Variants in PRR5L observed in about 807,000 individuals in gnomAD.
The protein encoded by PRR5L is proline-rich protein 5-like.
A neutral mutation model predicts 36.4 loss-of-function variants in PRR5L; 21 were observed. The observed-to-expected ratio is 0.58, with a 90% confidence interval of 0.41 to 0.83. The LOEUF is 0.83. PRR5L is among the 40% of genes least tolerant of loss of function. The probability of loss-of-function intolerance (pLI) is 0.00; values close to 1 mark genes in which losing one functional copy is unlikely to be tolerated. For missense variants in PRR5L, 381 were observed against 473.3 expected (o/e 0.80, Z 1.81); for synonymous variants, 188 against 197.0 (o/e 0.95, Z 0.38).
In PRR5L at chr11:36,305,003, C is replaced by T. The variant is rs1856415693; in HGVS notation, c.-126+8565C>T. Among the ~76,000 whole-genome samples, 3 of 152,116 alleles carry T rather than the reference C, an allele frequency of 2.0e-5. No individual in the cohort carries two copies. The South Asian group carries it at 6.2e-4, about 31-fold the overall frequency. ...AGGTTAACACAGAGTTACAATTTAA[C>T]CCAGCAATTCCACTCATAGGTATAT... On this transcript the variant is annotated intron_variant, in intron 1 of 8. Transcript: ENST00000530639.
At chr11:36,316,856 C>T (rs1047703012) in intron 1 of PRR5L, among the ~76,000 whole-genome samples, 4 of 152,192 alleles carry the variant, frequency 2.6e-5, no homozygotes, top group African/African-American at 9.7e-5. Context: ...GAAAGGGTTA[C>T]TATCAATTTT....
intron 1 of PRR5L, among the ~76,000 whole-genome samples, chr11:36,331,373 A>G (rs1472450486): frequency 2.0e-5 from 3 of 152,210 alleles, no homozygotes; most frequent in Non-Finnish European, 4.4e-5. Flanking sequence ...TTGCATTTGG[A>G]AAGTTGTCAA....
intron 1 of PRR5L, among the ~76,000 whole-genome samples, chr11:36,341,933 G>A (rs113270253): frequency 3.9e-4 from 60 of 152,304 alleles, no homozygotes; most frequent in African/African-American, 1.3e-3. Flanking sequence ...AACTGGAAGC[G>A]GAAAGAAATG....
intron 1 of PRR5L, among the ~76,000 whole-genome samples, chr11:36,359,102 A>G (rs926457957): frequency 9.2e-5 from 14 of 152,170 alleles, no homozygotes; most frequent in Non-Finnish European, 1.9e-4. Flanking sequence ...CAGTGCTGCC[A>G]TTAAATAGCT....
chr11:36,434,533 G>A (rs1225663598), intron 5 of PRR5L, among the ~76,000 whole-genome samples: 1 of 152,074 alleles, frequency 6.6e-6, no homozygotes, highest in Admixed American at 6.6e-5. Flanking sequence ...CTGTTTTGTG[G>A]GCAGAAGATG....
At chr11:36,421,756 G>A (rs1858270345) in intron 4 of PRR5L, among the ~76,000 whole-genome samples, 1 of 148,396 alleles carries the variant, frequency 6.7e-6, no homozygotes, top group Non-Finnish European at 1.5e-5. Flanking sequence ...AGGGCTTGTG[G>A]TTAGAAACTG....
At chr11:36,409,598 G>A (rs1355740424) in intron 3 of PRR5L, among the ~76,000 whole-genome samples, 2 of 152,188 alleles carry the variant, frequency 1.3e-5, no homozygotes, top group South Asian at 2.1e-4. Context: ...CACAGTAGGG[G>A]GGAAGAGCTG....
intron 4 of PRR5L, among the ~76,000 whole-genome samples, chr11:36,420,874 C>T (rs1246876959): frequency 6.6e-6 from 1 of 151,704 alleles, no homozygotes; most frequent in Non-Finnish European, 1.5e-5. Flanking sequence ...CACACACACA[C>T]ACACGGACAG....
Position 36,344,589 on chromosome 11 carries a change from T to C in PRR5L, c.-126+48151T>C, listed in dbSNP as rs568210878. 6.6e-6 allele frequency among the ~76,000 whole-genome samples: 1 copy of C among 152,332 alleles called. No homozygotes were observed. The highest frequency in any genetic ancestry group is 1.9e-4 in the East Asian group (1 of 5,184). On this transcript the variant is annotated intron_variant, in intron 1 of 8. Transcript: ENST00000530639. The surrounding 1 kb of genome is among the most constrained non-coding windows in gnomAD (Gnocchi z 4.1). Reference sequence around the variant, plus strand: ...TTTTTGTTTATATTTCTTAGTATTTTATCAGGGCAGATTTCTGGAAAGGGT... The same window carrying C: ...TTTTTGTTTATATTTCTTAGTATTTCATCAGGGCAGATTTCTGGAAAGGGT...
intron 6 of PRR5L, among the ~76,000 whole-genome samples, chr11:36,442,359 C>T (rs1377430098): frequency 2.0e-5 from 2 of 102,480 alleles, no homozygotes; most frequent in African/African-American, 7.1e-5. Flanking sequence ...TTTTTTTTTT[C>T]GAGACAGAGT....
At chr11:36,335,833 T>A (rs1034568833) in intron 1 of PRR5L, among the ~76,000 whole-genome samples, 1 of 152,254 alleles carries the variant, frequency 6.6e-6, no homozygotes, top group Non-Finnish European at 1.5e-5. Context: ...AAATATTTTC[T>A]TATTCAAAGT....
chr11:36,311,305 C>A (rs1163951593), intron 1 of PRR5L, among the ~76,000 whole-genome samples: 4 of 152,108 alleles, frequency 2.6e-5, no homozygotes, highest in African/African-American at 9.7e-5. Context: ...TATCTAGCAC[C>A]AACAGGACAT....
intron 5 of PRR5L, among the ~76,000 whole-genome samples, chr11:36,435,764 C>T (rs1447298915): frequency 6.6e-6 from 1 of 152,150 alleles, no homozygotes; most frequent in Admixed American, 6.5e-5. Context: ...AAGTCCTGTT[C>T]TACACTGTCC....
intron 1 of PRR5L, among the ~76,000 whole-genome samples, chr11:36,315,497 A>G (rs1295274719): frequency 1.3e-5 from 2 of 152,230 alleles, no homozygotes; most frequent in African/African-American, 4.8e-5. Context: ...TACACAGTCC[A>G]TAAACTTACT....
chr11:36,436,080 T>G (rs1469096531), intron 5 of PRR5L, among the ~76,000 whole-genome samples: 2 of 152,198 alleles, frequency 1.3e-5, no homozygotes, highest in Non-Finnish European at 2.9e-5. Context: ...CCCTGACCTT[T>G]CAAAATCTGC....
intron 4 of PRR5L, among the ~76,000 whole-genome samples, chr11:36,427,003 A>G (rs1858396929): frequency 6.6e-6 from 1 of 152,250 alleles, no homozygotes; most frequent in African/African-American, 2.4e-5. Flanking sequence ...CACACCACCC[A>G]TGGCCACCCT....
intron 3 of PRR5L, among the ~76,000 whole-genome samples, chr11:36,410,769 G>A (rs12270739): frequency 0.11 from 16,585 of 152,192 alleles, 912 homozygotes; most frequent in Middle Eastern, 0.12. Flanking sequence ...GAAGGGGAGG[G>A]GGCCTTTCTA....
intron 1 of PRR5L, among the ~76,000 whole-genome samples, chr11:36,304,435 G>A (rs1246257948): frequency 3.3e-5 from 5 of 152,186 alleles, no homozygotes; most frequent in African/African-American, 4.8e-5. Flanking sequence ...TTGGTGAGGA[G>A]CCTTCCAATC....
intron 1 of PRR5L, among the ~76,000 whole-genome samples, chr11:36,355,777 G>T (rs1382483032): frequency 1.3e-5 from 2 of 151,772 alleles, no homozygotes; most frequent in African/African-American, 4.8e-5. Context: ...TGGCCAGTCT[G>T]GTCTCGAACT....
Sources: gnomAD v4.1 joint callset for allele counts (sites outside exome capture counted in the v4.1 genomes callset) on GRCh38, gnomAD v4.1.1 for gene constraint, Gnocchi (gnomAD v3.1) non-coding constraint, MANE v1.5 for transcripts, NCBI Gene and HGNC (gene_info 2026-07-23, HGNC 2026-07-21) for gene names.